The following CCSER1 variants were observed in gnomAD, a reference collection of about 807,000 sequenced individuals.
The protein encoded by CCSER1 is coiled-coil serine rich protein 1.
A neutral mutation model predicts 82.0 loss-of-function variants in CCSER1; 41 were observed. The observed-to-expected ratio is 0.50, with a 90% CI of 0.39 to 0.65. The LOEUF (loss-of-function observed/expected upper bound fraction) is 0.65, where lower values mean the gene tolerates loss of function less well. Ranked by LOEUF, CCSER1 falls within the 30% of genes least tolerant of loss-of-function variation. CCSER1 has a pLI of 0.00. For synonymous variants in CCSER1, 414 were observed against 383.9 expected (o/e 1.08, Z -0.92); for missense variants, 1,119 against 1,064.2 (o/e 1.05, Z -0.72).
In CCSER1 at chr4:91,210,326, T is replaced by C. The variant is rs1736709317; in HGVS notation, c.2217+124332T>C. On this transcript the variant is annotated intron_variant, in intron 10 of 10. Coordinates refer to ENST00000509176, the MANE Select transcript of CCSER1 (RefSeq NM_001145065.2). ...GATATGGGAAACCATGAATCTATGC[T>C]GCTATCAGTAAATAAAGGAATAAAT... Among the ~76,000 whole-genome samples, 3 of 151,188 alleles carry C rather than the reference T, an allele frequency of 2.0e-5. No individual in the cohort carries two copies. In the Admixed American group the frequency reaches 2.0e-4, roughly 10 times the overall value.
At chr4:91,379,960 T>C (rs184057496) in intron 10 of CCSER1, among the ~76,000 whole-genome samples, 2,978 of 152,298 alleles carry the variant, frequency 0.02, 75 homozygotes, top group African/African-American at 0.066. Flanking sequence ...TTGTTCTTGT[T>C]GGTTTCAAAG....
chr4:90,794,494 G>C (rs1755705319), intron 7 of CCSER1, among the ~76,000 whole-genome samples: 1 of 151,998 alleles, frequency 6.6e-6, no homozygotes, highest in Non-Finnish European at 1.5e-5. Context: ...CTTATTACTG[G>C]GTTCTCTGTT....
At chr4:91,577,770 C>T (rs954344119) in intron 10 of CCSER1, among the ~76,000 whole-genome samples, 1 of 151,982 alleles carries the variant, frequency 6.6e-6, no homozygotes, top group Non-Finnish European at 1.5e-5. Flanking sequence ...TGGTTTCAAT[C>T]GTTGTGTCAT....
At chr4:90,502,262 A>AG (rs747811108) in intron 5 of CCSER1, among the ~76,000 whole-genome samples, 6 of 152,122 alleles carry the variant, frequency 3.9e-5, no homozygotes, top group Non-Finnish European at 8.8e-5. Context: ...GTGAAGGGGA[A>AG]GCAAGCAGGT....
chr4:91,002,609 A>G (rs966669834), intron 9 of CCSER1, among the ~76,000 whole-genome samples: 1 of 151,816 alleles, frequency 6.6e-6, no homozygotes, highest in Non-Finnish European at 1.5e-5. Context: ...AATTTTTTTT[A>G]ATTTATGCTA....
intron 10 of CCSER1, among the ~76,000 whole-genome samples, chr4:91,267,148 A>G (rs1290274963): frequency 2.6e-5 from 4 of 151,660 alleles, no homozygotes; most frequent in African/African-American, 9.8e-5. Flanking sequence ...AAGTAGGTAA[A>G]GGCAGGCTTG....
chr4:90,158,341 G>C (rs1578241867), intron 1 of CCSER1, among the ~76,000 whole-genome samples: 1 of 152,214 alleles, frequency 6.6e-6, no homozygotes, highest in Non-Finnish European at 1.5e-5. Flanking sequence ...GGACCCACTT[G>C]AGGAGGCCGT....
intron 10 of CCSER1, among the ~76,000 whole-genome samples, chr4:91,543,894 GT>G (rs1698625999): frequency 6.6e-6 from 1 of 152,164 alleles, no homozygotes; most frequent in Non-Finnish European, 1.5e-5. Context: ...CCGGCAGATT[GT>G]TTTCCAACTT....
intron 10 of CCSER1, among the ~76,000 whole-genome samples, chr4:91,250,416 T>C (rs1267492123): frequency 6.6e-6 from 1 of 152,112 alleles, no homozygotes; most frequent in Non-Finnish European, 1.5e-5. Context: ...AAAATTAAAA[T>C]GTAGTTAAGA....
Position 91,453,620 on chromosome 4 carries a change from C to G in CCSER1, c.2218-144952C>G, listed in dbSNP as rs563172597. Reference sequence around the variant, plus strand: ...GTGTACTGAGTTTTCTATCTATTCCCGATAAATTGCAGTCACTACTTCACC... The same window carrying G: ...GTGTACTGAGTTTTCTATCTATTCCGGATAAATTGCAGTCACTACTTCACC... On this transcript the variant is annotated intron_variant, in intron 10 of 10. Coordinates refer to ENST00000509176, the MANE Select transcript of CCSER1 (RefSeq NM_001145065.2). 3.8e-4 allele frequency among the ~76,000 whole-genome samples: 58 copies of G among 152,072 alleles called. 1 individual carries two copies. In the South Asian group the frequency reaches 0.011, roughly 30 times the overall value.
chr4:90,203,901 G>C (rs1054777334), intron 1 of CCSER1, among the ~76,000 whole-genome samples: 5 of 152,096 alleles, frequency 3.3e-5, no homozygotes, highest in African/African-American at 1.2e-4. Context: ...GCACGAGATG[G>C]TATCTCATTG....
intron 10 of CCSER1, among the ~76,000 whole-genome samples, chr4:91,554,215 C>CTAA (rs1462670985): frequency 6.7e-6 from 1 of 148,466 alleles, no homozygotes; most frequent in East Asian, 1.9e-4. Flanking sequence ...TTATTGATTT[C>CTAA]TAATTTCATA....
intron 5 of CCSER1, among the ~76,000 whole-genome samples, chr4:90,533,429 C>G (rs1012202541): frequency 6.6e-6 from 1 of 152,180 alleles, no homozygotes; most frequent in Non-Finnish European, 1.5e-5. Context: ...CAGATTGTCT[C>G]ACTGTGCTTC....
chr4:90,911,775 C>T (rs1450822095), intron 8 of CCSER1, among the ~76,000 whole-genome samples: 1 of 152,172 alleles, frequency 6.6e-6, no homozygotes, highest in Non-Finnish European at 1.5e-5. Context: ...CGGGTCACTC[C>T]CAACCTAATA....
chr4:90,886,971 A>G (rs1014307021), intron 8 of CCSER1, among the ~76,000 whole-genome samples: 1 of 152,206 alleles, frequency 6.6e-6, no homozygotes. Context: ...AAGAAGACCA[A>G]TAGACCTACC....
At chr4:90,169,927 C>G (rs1256967983) in intron 1 of CCSER1, among the ~76,000 whole-genome samples, 1 of 151,848 alleles carries the variant, frequency 6.6e-6, no homozygotes, top group Non-Finnish European at 1.5e-5. Context: ...TACACGTATC[C>G]TGGACCTCCT....
rs60452811 is a variant in CCSER1, at chr4:91,000,219, G to GGTATAGTATA, written c.2172+76822_2172+76831dup. On this transcript the variant is annotated intron_variant, in intron 9 of 10. Transcript: ENST00000509176. Reference sequence around the variant, plus strand: ...GCATAGTATAGTATAGTATAGTATAGGTATAGTATAGTATAGTATAGTATA... The same window carrying GGTATAGTATA: ...GCATAGTATAGTATAGTATAGTATAGGTATAGTATAGTATAGTATAGTATAGTATAGTATA... Among the ~76,000 whole-genome samples, 610 of 127,734 alleles carry GGTATAGTATA rather than the reference G, an allele frequency of 4.8e-3. 1 individual carries two copies. Among genetic ancestry groups the GGTATAGTATA allele is most frequent in the Non-Finnish European group, 8.2e-3 (458 of 55,912 alleles). 83.8% of individuals were successfully genotyped at this position (127,734 alleles called of 152,430 possible).
intron 3 of CCSER1, among the ~76,000 whole-genome samples, chr4:90,351,551 T>A (rs944149277): frequency 7.9e-5 from 12 of 152,088 alleles, no homozygotes; most frequent in African/African-American, 2.9e-4. Flanking sequence ...ATAACAAAAA[T>A]TTTTTTAGAA....
intron 5 of CCSER1, among the ~76,000 whole-genome samples, chr4:90,626,975 TATTTC>T (rs1165458763): frequency 6.6e-6 from 1 of 152,210 alleles, no homozygotes; most frequent in African/African-American, 2.4e-5. Flanking sequence ...ATCTGTACTT[TATTTC>T]ATCTACCTCT....
Sources: allele counts gnomAD v4.1 joint callset (sites outside exome capture counted in the v4.1 genomes callset), GRCh38; gene constraint gnomAD v4.1.1; transcripts MANE v1.5; gene names NCBI Gene and HGNC (gene_info 2026-07-23, HGNC 2026-07-21).